Variants in TSPAN4 observed in about 807,000 individuals in gnomAD.
The protein encoded by TSPAN4 is tetraspanin-4.
Under a neutral mutation model 31.5 loss-of-function variants are expected in TSPAN4, and 38 were observed. The ratio of observed to expected loss-of-function variants is 1.21; its 90% CI spans 0.93 to 1.58. The LOEUF is 1.58. Among genes scored for constraint, TSPAN4 ranks in the 40% most tolerant of loss-of-function variants. TSPAN4 has a pLI of 0.00. For synonymous variants in TSPAN4, 186 were observed against 144.6 expected, an observed-to-expected ratio of 1.29 and a Z score of -2.06; for missense variants, 330 against 317.3, an observed-to-expected ratio of 1.04 and a Z score of -0.30.
chr11:846,913 G>A (rs968493989), intron 1 of TSPAN4, among the ~76,000 whole-genome samples: 3 of 152,176 alleles, frequency 2.0e-5, no homozygotes, highest in Admixed American at 6.5e-5. Flanking sequence ...TCTGCACACC[G>A]TGTCTCTGTG....
intron 3 of TSPAN4, among the ~76,000 whole-genome samples, chr11:855,374 C>T (rs1055880402): frequency 6.6e-6 from 1 of 152,226 alleles, no homozygotes; most frequent in Non-Finnish European, 1.5e-5. Flanking sequence ...GGCAGGCCAC[C>T]TCCTTGCTGT....
chr11:861,500 T>C (rs554560795), intron 3 of TSPAN4, among the ~76,000 whole-genome samples: 67 of 152,038 alleles, frequency 4.4e-4, no homozygotes, highest in East Asian at 1.2e-3. Context: ...ATCACGAGGT[T>C]GGGAGATCAA....
intron 1 of TSPAN4, among the ~76,000 whole-genome samples, chr11:846,241 C>T (rs540812183): frequency 6.6e-6 from 1 of 152,320 alleles, no homozygotes; most frequent in East Asian, 1.9e-4. Flanking sequence ...GCTCCACGGG[C>T]ATGGCACCCA....
At chr11:844,218 C>G (rs902384041) in intron 1 of TSPAN4, 2 of 151,924 alleles carry the variant, frequency 1.3e-5, no homozygotes, top group African/African-American at 4.8e-5. Flanking sequence ...CGGATGTTAG[C>G]AGGGTGGGCC....
intron 2 of TSPAN4, among the ~76,000 whole-genome samples, chr11:849,529 G>A (rs1324440945): frequency 6.6e-6 from 1 of 152,108 alleles, no homozygotes; most frequent in Non-Finnish European, 1.5e-5. Context: ...GGGGGTGTCG[G>A]TCGCGGGCTA....
chr11:865,425 G>A, intron 5 of TSPAN4, 88 bp from the exon 6 acceptor site: 1 of 1,057,458 alleles, frequency 9.5e-7, no homozygotes, highest in Non-Finnish European at 1.4e-6. Context: ...GCGCAGGAGG[G>A]GCCCAGCTTA....
chr11:859,086 CG>C, intron 3 of TSPAN4, among the ~76,000 whole-genome samples: 1 of 136,680 alleles, frequency 7.3e-6, no homozygotes, highest in African/African-American at 2.8e-5. Flanking sequence ...ACATGCACCC[CG>C]GCTCACACGC....
chr11:855,784 G>A (rs73403193), intron 3 of TSPAN4, among the ~76,000 whole-genome samples: 153 of 152,308 alleles, frequency 1.0e-3, no homozygotes, highest in African/African-American at 3.6e-3. Flanking sequence ...TGACGGGGAC[G>A]TTCCCGCCAG....
chr11:850,139 C>T (rs535682678), intron 2 of TSPAN4, 149 bp from the exon 3 acceptor site: 51 of 591,964 alleles, frequency 8.6e-5, no homozygotes, highest in Non-Finnish European at 1.4e-4. Context: ...GCAGCCTATA[C>T]GGGCGCGCGG....
In TSPAN4 at chr11:864,211, C is replaced by T. The variant is rs1222905221; in HGVS notation, c.256-226C>T. On this transcript the variant is annotated intron_variant, in intron 4 of 8. Transcript: ENST00000397397. ...AGGGGAGCCCAGGCCAGCCCAGGGCCCCACACTCAGGGGCTGAGCAGGACA... is the reference window on the plus strand; with the variant it reads ...AGGGGAGCCCAGGCCAGCCCAGGGCTCCACACTCAGGGGCTGAGCAGGACA... 5 of 606,260 alleles carry T rather than the reference C, an allele frequency of 8.2e-6. No individual in the cohort carries two copies. In the Admixed American group the frequency reaches 1.2e-4, roughly 14 times the overall value. The allele number at this position is 606,260 out of a possible 1,614,324, so 37.6% of individuals were successfully genotyped here. A position where few individuals can be genotyped will look rare whatever the true frequency, so the allele number is the denominator to read the frequency against.
intron 3 of TSPAN4, among the ~76,000 whole-genome samples, chr11:852,650 G>A (rs910308508): frequency 2.6e-5 from 4 of 152,340 alleles, no homozygotes; most frequent in South Asian, 2.1e-4. Context: ...TCCTCCTGGC[G>A]TGAGGCTATT....
chr11:849,909 A>T (rs1847556900), intron 2 of TSPAN4: 1 of 148,152 alleles, frequency 6.7e-6, no homozygotes, highest in Non-Finnish European at 1.5e-5. Flanking sequence ...ACCCGCTGCC[A>T]CCGCGGGGGC....
intron 5 of TSPAN4, 160 bp downstream of exon 5, chr11:864,671 C>A: frequency 1.2e-6 from 1 of 845,512 alleles, no homozygotes; most frequent in Non-Finnish European, 1.9e-6. Flanking sequence ...AGGGGCAGCG[C>A]CAGCGACCCT....
intron 1 of TSPAN4, among the ~76,000 whole-genome samples, chr11:844,743 G>A (rs1377429187): frequency 6.6e-6 from 1 of 151,970 alleles, no homozygotes. Context: ...GGAGGGTGAG[G>A]CGCTGGTTTT....
chr11:864,233 GAC>G, intron 4 of TSPAN4: 1 of 643,014 alleles, frequency 1.6e-6, no homozygotes, highest in South Asian at 1.8e-5. Flanking sequence ...GGCTGAGCAG[GAC>G]ACAACAGCCA....
intron 1 of TSPAN4, among the ~76,000 whole-genome samples, chr11:846,068 C>T (rs1847307044): frequency 6.6e-6 from 1 of 152,136 alleles, no homozygotes; most frequent in African/African-American, 2.4e-5. Flanking sequence ...GCCTCCCTAC[C>T]TCCTCAAAGC....
chr11:849,304 C>T (rs986628912), intron 2 of TSPAN4, among the ~76,000 whole-genome samples: 2 of 152,342 alleles, frequency 1.3e-5, no homozygotes, highest in Admixed American at 1.3e-4. Flanking sequence ...ACGACACCTG[C>T]TCCATGCAGT....
At chr11:854,504 G>A (rs1222283627) in intron 3 of TSPAN4, among the ~76,000 whole-genome samples, 1 of 151,960 alleles carries the variant, frequency 6.6e-6, no homozygotes, top group Non-Finnish European at 1.5e-5. Flanking sequence ...CACCTGCGCT[G>A]ATCCCCGGGG....
chr11:847,924 C>T (rs976449564), intron 2 of TSPAN4, among the ~76,000 whole-genome samples: 20 of 152,178 alleles, frequency 1.3e-4, no homozygotes, highest in Non-Finnish European at 2.8e-4. Context: ...GCTAGCCTGG[C>T]GGCGGATGCT....
Sources: allele counts gnomAD v4.1 joint callset (sites outside exome capture counted in the v4.1 genomes callset), GRCh38; gene constraint gnomAD v4.1.1; transcripts MANE v1.5; gene names NCBI Gene and HGNC (gene_info 2026-07-23, HGNC 2026-07-21).